GPC6: variants seen among roughly 807,000 people sequenced by gnomAD.
GPC6 encodes the protein glypican 6.
In GPC6, 14 loss-of-function variants were observed where a neutral mutation model predicts 55.2. The observed-to-expected ratio is 0.25, with a 90% CI of 0.17 to 0.40. The LOEUF (loss-of-function observed/expected upper bound fraction) is 0.40, where lower values mean the gene tolerates loss of function less well. GPC6 is among the 10% of genes least tolerant of loss of function. GPC6 has a pLI of 1.00. For synonymous variants in GPC6, 278 were observed against 259.6 expected (o/e 1.07, Z -0.68); for missense variants, 641 against 708.5 (o/e 0.90, Z 1.08).
intron 2 of GPC6, among the ~76,000 whole-genome samples, chr13:93,790,490 T>C (rs1472160258): frequency 6.6e-6 from 1 of 152,172 alleles, no homozygotes; most frequent in Non-Finnish European, 1.5e-5. Flanking sequence ...GATTTATTAT[T>C]GGTAACATGA....
chr13:93,711,448 A>T (rs1239639541), intron 2 of GPC6, among the ~76,000 whole-genome samples: 1 of 151,826 alleles, frequency 6.6e-6, no homozygotes, highest in Non-Finnish European at 1.5e-5. Flanking sequence ...ACACGTGGGA[A>T]TGATGGGAGC....
chr13:93,401,333 A>G (rs1876068659), intron 1 of GPC6, among the ~76,000 whole-genome samples: 1 of 152,192 alleles, frequency 6.6e-6, no homozygotes, highest in South Asian at 2.1e-4. Context: ...GCAGGGAATG[A>G]GCGCTGTCAG....
intron 1 of GPC6, among the ~76,000 whole-genome samples, chr13:93,278,945 G>C (rs1877855162): frequency 6.6e-6 from 1 of 152,104 alleles, no homozygotes; most frequent in Admixed American, 6.5e-5. Context: ...ATAACATCAT[G>C]TTGTATACCT....
At chr13:94,365,555 T>A (rs1467673104) in intron 6 of GPC6, among the ~76,000 whole-genome samples, 1 of 152,236 alleles carries the variant, frequency 6.6e-6, no homozygotes, top group African/African-American at 2.4e-5. Context: ...GACATTTATA[T>A]GCTTTTGGCT....
intron 5 of GPC6, 82 bp downstream of exon 5, chr13:94,286,561 C>T (rs982528956): frequency 3.1e-5 from 38 of 1,210,396 alleles, no homozygotes; most frequent in Non-Finnish European, 4.1e-5. Context: ...CTAGATATGT[C>T]GGCTGGGCTT....
intron 2 of GPC6, among the ~76,000 whole-genome samples, chr13:93,676,106 TA>T (rs760322815): frequency 0.012 from 272 of 23,072 alleles, 1 homozygote; most frequent in Non-Finnish European, 0.023. Context: ...CTGTTTCTAC[TA>T]AAAAAAAAAA....
intron 2 of GPC6, among the ~76,000 whole-genome samples, chr13:93,707,740 C>G (rs938142286): frequency 6.6e-6 from 1 of 151,670 alleles, no homozygotes; most frequent in Non-Finnish European, 1.5e-5. Flanking sequence ...CGTCATTCTG[C>G]GATATGTAAG....
At chr13:93,991,931 C>G (rs537634808) in intron 3 of GPC6, among the ~76,000 whole-genome samples, 10 of 151,956 alleles carry the variant, frequency 6.6e-5, no homozygotes, top group African/African-American at 2.4e-4. Flanking sequence ...TACATAAGTC[C>G]TAGAACTAGC....
At chr13:93,226,502 TTGTG>T, upstream of GPC6, 1 of 152,326 alleles carries the variant, frequency 6.6e-6, no homozygotes, top group African/African-American at 2.4e-5. Flanking sequence ...CACTCTGGCT[TTGTG>T]TTTCAGTAGG....
At chr13:93,841,477 C>T (rs904448004) in intron 3 of GPC6, among the ~76,000 whole-genome samples, 3 of 152,144 alleles carry the variant, frequency 2.0e-5, no homozygotes, top group African/African-American at 7.2e-5. Flanking sequence ...TCAGCACAAA[C>T]ACAATGGGTC....
chr13:93,539,517 A>G (rs1882200304), intron 1 of GPC6, among the ~76,000 whole-genome samples: 1 of 152,094 alleles, frequency 6.6e-6, no homozygotes, highest in Non-Finnish European at 1.5e-5. Flanking sequence ...GGGTCCATAG[A>G]GTCGGGCTCA....
intron 1 of GPC6, among the ~76,000 whole-genome samples, chr13:93,516,634 A>G (rs1245546245): frequency 6.6e-6 from 1 of 152,176 alleles, no homozygotes; most frequent in African/African-American, 2.4e-5. Flanking sequence ...GGAAAAGAAG[A>G]AACCCTTCAA....
At chr13:93,255,013 G>A (rs930258288) in intron 1 of GPC6, among the ~76,000 whole-genome samples, 7 of 152,200 alleles carry the variant, frequency 4.6e-5, no homozygotes, top group South Asian at 4.1e-4. Flanking sequence ...TTTCCAATCC[G>A]CTGCTCTTAC....
At chr13:94,397,972 T>C (rs1464529086) in intron 7 of GPC6, among the ~76,000 whole-genome samples, 1 of 152,186 alleles carries the variant, frequency 6.6e-6, no homozygotes, top group Non-Finnish European at 1.5e-5. Context: ...TCTGATGGTT[T>C]TATAAGGGGC....
chr13:94,246,130 T>A lies in GPC6; in HGVS notation c.878-40219T>A, dbSNP rs537166918. 1.1e-3 allele frequency among the ~76,000 whole-genome samples: 167 copies of A among 152,248 alleles called. 1 individual carries two copies. The Middle Eastern group carries it at 0.017, about 16-fold the overall frequency. On this transcript the variant is annotated intron_variant, in intron 4 of 8. Coordinates refer to ENST00000377047, the MANE Select transcript of GPC6 (RefSeq NM_005708.5). Reference sequence around the variant, plus strand: ...ATGATTAGGGATCTTGTGTATCTTTTTATGTGCCTGATGGCCATTTTTATG... The same window carrying A: ...ATGATTAGGGATCTTGTGTATCTTTATATGTGCCTGATGGCCATTTTTATG...
At chr13:93,995,809 G>T (rs1360758192) in intron 3 of GPC6, among the ~76,000 whole-genome samples, 1 of 152,056 alleles carries the variant, frequency 6.6e-6, no homozygotes, top group Admixed American at 6.6e-5. Context: ...CTGGGGATAG[G>T]AAATGAATGT....
intron 1 of GPC6, among the ~76,000 whole-genome samples, chr13:93,465,897 C>T (rs996001287): frequency 6.6e-6 from 1 of 152,022 alleles, no homozygotes; most frequent in Admixed American, 6.6e-5. Context: ...ACTTAGAGGC[C>T]GTTGCCAGAT....
intron 3 of GPC6, among the ~76,000 whole-genome samples, chr13:93,862,734 A>G (rs1888853986): frequency 6.6e-6 from 1 of 151,666 alleles, no homozygotes; most frequent in Non-Finnish European, 1.5e-5. Context: ...CTTCCAGAGT[A>G]ATATCCCCGT....
intron 8 of GPC6, among the ~76,000 whole-genome samples, chr13:94,399,892 GCCTCACA>G (rs1418635231): frequency 6.6e-6 from 1 of 152,134 alleles, no homozygotes; most frequent in Non-Finnish European, 1.5e-5. Flanking sequence ...TTAGCACTTA[GCCTCACA>G]CCTCTCATTT....
Sources: allele counts gnomAD v4.1 joint callset (sites outside exome capture counted in the v4.1 genomes callset), GRCh38; gene constraint gnomAD v4.1.1; transcripts MANE v1.5; gene names NCBI Gene and HGNC (gene_info 2026-07-23, HGNC 2026-07-21).